DPP6: variants seen among roughly 807,000 people sequenced by gnomAD.
DPP6 encodes the protein A-type potassium channel modulatory protein DPP6.
In DPP6, 69 loss-of-function variants were observed where a neutral mutation model predicts 122.6. That is an observed-to-expected ratio of 0.56 (90% CI 0.46 to 0.69). DPP6 has a LOEUF of 0.69. DPP6 is among the 30% of genes least tolerant of loss of function. The pLI is 0.00. For missense variants in DPP6, 928 were observed against 1,116.9 expected, an observed-to-expected ratio of 0.83 and a Z score of 2.41; for synonymous variants, 418 against 433.1, an observed-to-expected ratio of 0.97 and a Z score of 0.43.
chr7:154,703,662 G>C (rs2131274229), intron 7 of DPP6, among the ~76,000 whole-genome samples: 2 of 151,734 alleles, frequency 1.3e-5, no homozygotes, highest in Middle Eastern at 3.4e-3. Flanking sequence ...CATAGGCTGG[G>C]CATGGTGGCT....
intron 5 of DPP6, among the ~76,000 whole-genome samples, chr7:154,616,519 T>A (rs1211403837): frequency 6.6e-6 from 1 of 151,802 alleles, no homozygotes. Flanking sequence ...GAGTTGCTGG[T>A]TTAGGAGGGC....
At chr7:154,302,286 T>A (rs1327143731) in intron 1 of DPP6, among the ~76,000 whole-genome samples, 1 of 152,226 alleles carries the variant, frequency 6.6e-6, no homozygotes, top group Non-Finnish European at 1.5e-5. Context: ...CCGCATTTGT[T>A]CTTCTGTGCC....
intron 3 of DPP6, chr7:154,475,462 G>C (rs1389170864): frequency 4.2e-6 from 1 of 235,530 alleles, no homozygotes; most frequent in Non-Finnish European, 8.4e-6. Flanking sequence ...AGGACCAAAA[G>C]CAACTCATGG....
intron 1 of DPP6, among the ~76,000 whole-genome samples, chr7:154,023,105 TC>T (rs1798784448): frequency 6.6e-6 from 1 of 151,828 alleles, no homozygotes; most frequent in African/African-American, 2.4e-5. Flanking sequence ...CACCTAACAC[TC>T]AGGATTCCAT....
At chr7:154,106,337 C>G (rs1262212435) in intron 1 of DPP6, among the ~76,000 whole-genome samples, 1 of 121,178 alleles carries the variant, frequency 8.3e-6, no homozygotes, top group Non-Finnish European at 1.7e-5. Context: ...CATCTCCAAC[C>G]GCTAGGCCAG....
At chr7:154,053,408 C>G (rs1345512815) in intron 1 of DPP6, among the ~76,000 whole-genome samples, 1 of 151,984 alleles carries the variant, frequency 6.6e-6, no homozygotes, top group African/African-American at 2.4e-5. Context: ...GGAGAGAATT[C>G]GATCGGCCTG....
At chr7:154,224,094 C>G (rs1306725423) in intron 1 of DPP6, among the ~76,000 whole-genome samples, 1 of 147,250 alleles carries the variant, frequency 6.8e-6, no homozygotes, top group Non-Finnish European at 1.5e-5. Flanking sequence ...AGGGGACACA[C>G]AGCCTGATCA....
intron 1 of DPP6, among the ~76,000 whole-genome samples, chr7:154,017,216 G>T (rs892879731): frequency 6.6e-6 from 1 of 152,064 alleles, no homozygotes; most frequent in Non-Finnish European, 1.5e-5. Flanking sequence ...CACAGCATGT[G>T]CCCACCAAGC....
chr7:153,989,835 T>C (rs188326461), intron 1 of DPP6, among the ~76,000 whole-genome samples: 1,554 of 151,918 alleles, frequency 0.01, 16 homozygotes, highest in African/African-American at 0.036. Context: ...GCATGTCCAA[T>C]TACACAGGGC....
chr7:154,450,458 A>T (rs948376104), intron 2 of DPP6, among the ~76,000 whole-genome samples: 4 of 152,258 alleles, frequency 2.6e-5, no homozygotes, highest in African/African-American at 9.6e-5. Flanking sequence ...TTTGATAAAA[A>T]GATGGGAAAG....
rs1197358295 is a variant in DPP6 at position 154,755,146 on chromosome 7, A to T, written c.884-14271A>T. Reference sequence around the variant, plus strand: ...TATCCCAGAACTTAAAGTAAAATAAATTAAAAAAAAAAAAAAAAGAAACTG... The same window carrying T: ...TATCCCAGAACTTAAAGTAAAATAATTTAAAAAAAAAAAAAAAAGAAACTG... On this transcript the variant is annotated intron_variant, in intron 8 of 25. Coordinates refer to ENST00000377770, the MANE Select transcript of DPP6 (RefSeq NM_130797.4). This position sits in a 1 kb window ranked among gnomAD's most constrained non-coding sequence, Gnocchi z 4.7. 1.6e-5 allele frequency among the ~76,000 whole-genome samples: 2 copies of T among 128,382 alleles called. No homozygotes were observed. The highest frequency in any genetic ancestry group is 1.4e-4 in the Admixed American group (2 of 13,846). The allele number at this position is 128,382 out of a possible 152,430, so 84.2% of individuals were successfully genotyped here. A position where few individuals can be genotyped will look rare whatever the true frequency, so the allele number is the denominator to read the frequency against.
At chr7:153,953,100 T>A (rs1166275131) in intron 1 of DPP6, among the ~76,000 whole-genome samples, 1 of 152,230 alleles carries the variant, frequency 6.6e-6, no homozygotes, top group Non-Finnish European at 1.5e-5. Flanking sequence ...GTTCACCATG[T>A]ATTCCTTGAA....
chr7:154,462,915 A>G (rs1314875480), intron 2 of DPP6, among the ~76,000 whole-genome samples: 1 of 149,630 alleles, frequency 6.7e-6, no homozygotes, highest in African/African-American at 2.5e-5. Flanking sequence ...GCTGGCATAT[A>G]GAAATACTAC....
At chr7:154,468,558 C>T (rs559918861) in intron 2 of DPP6, among the ~76,000 whole-genome samples, 2 of 152,256 alleles carry the variant, frequency 1.3e-5, no homozygotes, top group African/African-American at 4.8e-5. Context: ...TCACAGGTGC[C>T]TAATGCGGTA....
chr7:153,922,571 GAAAC>G (rs1199930420), intron 1 of DPP6, among the ~76,000 whole-genome samples: 1 of 152,184 alleles, frequency 6.6e-6, no homozygotes, highest in Non-Finnish European at 1.5e-5. Flanking sequence ...CCAGGTCTGA[GAAAC>G]AAATTCTATA....
intron 9 of DPP6, among the ~76,000 whole-genome samples, chr7:154,772,605 T>A (rs1796312220): frequency 6.6e-6 from 1 of 151,892 alleles, no homozygotes; most frequent in Non-Finnish European, 1.5e-5. Flanking sequence ...AACCGGGGAG[T>A]TGGGTGGAAT....
chr7:154,808,682 T>C (rs1798847806), intron 16 of DPP6, among the ~76,000 whole-genome samples: 1 of 152,182 alleles, frequency 6.6e-6, no homozygotes. Context: ...GGGCGGGATC[T>C]TCTTGAAATA....
intron 1 of DPP6, among the ~76,000 whole-genome samples, chr7:154,277,131 G>A (rs1208095072): frequency 6.6e-6 from 1 of 152,210 alleles, no homozygotes; most frequent in Non-Finnish European, 1.5e-5. Context: ...TTCAGACCCA[G>A]CTAGGAACAT....
the DPP6 span, among the ~76,000 whole-genome samples, chr7:153,877,367 GACAC>G: frequency 2.6e-5 from 4 of 151,692 alleles, no homozygotes; most frequent in East Asian, 3.9e-4. Context: ...TAAAAATTAA[GACAC>G]ACACACAATT....
Sources: allele counts gnomAD v4.1 joint callset (sites outside exome capture counted in the v4.1 genomes callset), GRCh38; gene constraint gnomAD v4.1.1; non-coding constraint Gnocchi (gnomAD v3.1); transcripts MANE v1.5; gene names NCBI Gene and HGNC (gene_info 2026-07-23, HGNC 2026-07-21).